Variants in SNX19 observed in about 807,000 individuals in gnomAD.
SNX19 encodes the protein sorting nexin-19.
In SNX19, 60 loss-of-function variants were observed where a neutral mutation model predicts 85.2. The observed-to-expected ratio is 0.70, with a 90% CI of 0.57 to 0.87. The LOEUF (loss-of-function observed/expected upper bound fraction) is 0.87. SNX19 is among the 40% of genes least tolerant of loss of function. The pLI is 0.00. For missense variants in SNX19, 1,201 were observed against 1,217.8 expected, an observed-to-expected ratio of 0.99 and a Z score of 0.21; for synonymous variants, 520 against 470.0, an observed-to-expected ratio of 1.11 and a Z score of -1.38.
intron 8 of SNX19, among the ~76,000 whole-genome samples, chr11:130,897,857 G>A (rs3794132): frequency 6.6e-6 from 1 of 152,070 alleles, no homozygotes; most frequent in Non-Finnish European, 1.5e-5. Flanking sequence ...TTGGCTCAGA[G>A]TGCTACCCGC....
intron 8 of SNX19, among the ~76,000 whole-genome samples, chr11:130,886,292 A>G (rs1279674398): frequency 6.6e-6 from 1 of 152,124 alleles, no homozygotes; most frequent in Non-Finnish European, 1.5e-5. Flanking sequence ...ATGTACATAT[A>G]TATGTATATA....
At position 130,915,431 on chromosome 11, in the gene SNX19, A is replaced by G. The variant is rs750169145; in HGVS notation, c.509T>C (p.Ile170Thr). Residue 170 changes from isoleucine to threonine, a missense_variant, in exon 1 of 11, where the codon ATT becomes ACT. By Grantham distance (89) the Ile-to-Thr change is moderately conservative. This residue lies in a region of SNX19 where 791 missense variants were observed against 750.9 expected (regional missense o/e 1.05). Transcript: ENST00000265909. ...CCCTGCAGTGGCCTCCTTTGCCTGA[A>G]TGTAGCTCTGCAGGTGACAACCGCA... ...TLCGCHLQSY[I>T]QAKEATAGKN... The G allele has an allele frequency of 4.2e-5, 68 of 1,613,870 alleles. No homozygotes were observed. In the Admixed American group the frequency reaches 1.1e-3, roughly 26 times the overall value.
rs767094695 is a variant in SNX19, at chr11:130,915,245, C to T, written c.695G>A (p.Arg232His). Residue 232 changes from arginine to histidine, a missense_variant, in exon 1 of 11, where the codon CGT (arginine) becomes CAT (histidine). Coordinates refer to ENST00000265909, the MANE Select transcript of SNX19 (RefSeq NM_014758.3). Reference protein sequence around the residue: ...GLVPKPHLETRTGRHVVVELI... With the variant: ...GLVPKPHLETHTGRHVVVELI... The stretch of plus-strand genomic sequence containing the variant: ...TTCGACCACTACATGGCGTCCGGTA[C>T]GAGTCTCCAAGTGGGGCTTGGGCAC... The T allele has an allele frequency of 6.2e-7, 1 of 1,614,220 alleles. No individual in the cohort carries two copies. Among genetic ancestry groups the T allele is most frequent in the African/African-American group, 1.3e-5 (1 of 75,056 alleles).
intron 8 of SNX19, among the ~76,000 whole-genome samples, chr11:130,885,713 C>G (rs1447750894): frequency 2.0e-5 from 3 of 152,172 alleles, no homozygotes; most frequent in African/African-American, 2.4e-5. Context: ...TTCCTTCCAG[C>G]CTATTTATCT....
chr11:130,881,007 G>C lies in SNX19; in HGVS notation c.2574-201C>G, dbSNP rs558963996. Reference sequence around the variant, plus strand: ...AAATGCCCTTATAAAAGAAACCTGAGAGAGACTTCTCACCCCTTTTGCCAT... The same window carrying C: ...AAATGCCCTTATAAAAGAAACCTGACAGAGACTTCTCACCCCTTTTGCCAT... On this transcript the variant is annotated intron_variant, in intron 8 of 10. Transcript: ENST00000265909. 1.0e-4 allele frequency: 40 copies of C among 394,792 alleles called. No homozygotes were observed. In the South Asian group the frequency reaches 3.8e-3, roughly 38 times the overall value. 24.5% of individuals were successfully genotyped at this position (394,792 alleles called of 1,614,324 possible).
chr11:130,875,607 T>G lies in SNX19; in HGVS notation c.*2815A>C, dbSNP rs1235194666. 2 of 151,596 alleles carry G rather than the reference T, an allele frequency of 1.3e-5. No homozygotes were observed. Among genetic ancestry groups the G allele is most frequent in the Non-Finnish European group, 1.5e-5 (1 of 67,990 alleles). The allele number at this position is 151,596 out of a possible 1,614,324, so 9.4% of individuals were successfully genotyped here. On this transcript the variant is annotated 3_prime_UTR_variant, in exon 11 of 11. Coordinates refer to ENST00000265909, the MANE Select transcript of SNX19 (RefSeq NM_014758.3). ...GAGTAGCTTGTATTGATTTTAAAAT[T>G]TATACATGCTCTCACTCATAGGTGG...
Position 130,870,849 on chromosome 11 carries a change from T to G in SNX19, c.*7573A>C, listed in dbSNP as rs529366556. 1.3e-5 allele frequency among the ~76,000 whole-genome samples: 2 copies of G among 151,710 alleles called. No homozygotes were observed. Among genetic ancestry groups the G allele is most frequent in the Non-Finnish European group, 2.9e-5 (2 of 67,972 alleles). On this transcript the variant is annotated 3_prime_UTR_variant, in exon 11 of 11. Coordinates refer to ENST00000265909, the MANE Select transcript of SNX19 (RefSeq NM_014758.3). The stretch of plus-strand genomic sequence containing the variant: ...TTGGGGGGGGGGCATAAGGACATAA[T>G]AGGACTAAAAAAGATAAAAGATATG...
chr11:130,887,596 A>G (rs1430511280), intron 8 of SNX19, among the ~76,000 whole-genome samples: 2 of 152,198 alleles, frequency 1.3e-5, no homozygotes, highest in Non-Finnish European at 2.9e-5. Flanking sequence ...AAATTCATTG[A>G]AGATGCTTCT....
intron 8 of SNX19, among the ~76,000 whole-genome samples, chr11:130,893,601 A>T (rs182813488): frequency 1.6e-3 from 243 of 152,248 alleles, no homozygotes; most frequent in Non-Finnish European, 2.6e-3. Context: ...TCCCGTTATG[A>T]AGGACGTAGG....
At position 130,895,398 on chromosome 11, in the gene SNX19, C is replaced by T. The variant is rs546400975; in HGVS notation, c.2573+7857G>A. Among the ~76,000 whole-genome samples, 4 of 152,320 alleles carry T rather than the reference C, an allele frequency of 2.6e-5. No individual in the cohort carries two copies. In the South Asian group the frequency reaches 8.3e-4, roughly 32 times the overall value. ...AGAGGGACTGCCTCCAGTAGAATGA[C>T]GTGTGATCTTCTGTGTTCATTTATT... On this transcript the variant is annotated intron_variant, in intron 8 of 10. Transcript: ENST00000265909.
chr11:130,907,329 G>GACACACAC (rs146030730), intron 5 of SNX19, among the ~76,000 whole-genome samples: 5 of 152,038 alleles, frequency 3.3e-5, no homozygotes, highest in South Asian at 2.1e-4. Context: ...CAGAGACAGA[G>GACACACAC]ACACACACAC....
rs1282535555 is a variant in SNX19, at chr11:130,870,819, T to C, written c.*7603A>G. On this transcript the variant is annotated 3_prime_UTR_variant, in exon 11 of 11. Coordinates refer to ENST00000265909, the MANE Select transcript of SNX19 (RefSeq NM_014758.3). The stretch of plus-strand genomic sequence containing the variant: ...ACCTATCATGCACTAGGTATATACA[T>C]ATAGTTGGGGGGGGGGCATAAGGAC... Among the ~76,000 whole-genome samples, 1 of 96,762 alleles carries C rather than the reference T, an allele frequency of 1.0e-5. No individual in the cohort carries two copies. Among genetic ancestry groups the C allele is most frequent in the East Asian group, 3.1e-4 (1 of 3,268 alleles). The allele number at this position is 96,762 out of a possible 152,430, so 63.5% of individuals were successfully genotyped here. A position where few individuals can be genotyped will look rare whatever the true frequency, so the allele number is the denominator to read the frequency against.
intron 2 of SNX19, 37 bp from the exon 3 acceptor site, chr11:130,910,407 T>A: frequency 7.1e-7 from 1 of 1,406,138 alleles, no homozygotes; most frequent in Non-Finnish European, 9.9e-7. Flanking sequence ...ATTCACTCAT[T>A]TAACATTCAC....
In SNX19 at chr11:130,870,460, C is replaced by T. The variant is rs573384435; in HGVS notation, c.*7962G>A. ...TTGAGTAATGGATTTCTTTACCTCA[C>T]CTAAACAGATCCACTGAAAAGGAAA... On this transcript the variant is annotated 3_prime_UTR_variant, in exon 11 of 11. Coordinates refer to ENST00000265909, the MANE Select transcript of SNX19 (RefSeq NM_014758.3). Among the ~76,000 whole-genome samples, 247 of 152,354 alleles carry T rather than the reference C, an allele frequency of 1.6e-3. 1 individual carries two copies. The highest frequency in any genetic ancestry group is 2.7e-3 in the Non-Finnish European group (181 of 68,036).
intron 8 of SNX19, among the ~76,000 whole-genome samples, chr11:130,900,227 T>C (rs926858158): frequency 1.3e-5 from 2 of 152,216 alleles, no homozygotes; most frequent in Non-Finnish European, 2.9e-5. Context: ...GAGGATGGCT[T>C]GAGCCCAGGA....
Position 130,903,362 on chromosome 11 carries a change from G to A in SNX19, c.2466C>T (p.Asp822=). The A allele has an allele frequency of 6.2e-7, 1 of 1,612,728 alleles. No homozygotes were observed. The highest frequency in any genetic ancestry group is 8.5e-7 in the Non-Finnish European group (1 of 1,179,818). The change falls in exon 8 of 11, where the codon GAC becomes GAT. Residue 822 remains aspartate, a synonymous_variant. Transcript: ENST00000265909. ...SDPGTETELA[D]TALDLLLLLL... is the part of the protein sequence containing the mutation. ...GCAAGAGGAGCAGATCCAGGGCTGTGTCAGCTAACTCTGTCTCTGTTCCTG... is the reference window on the plus strand; with the variant it reads ...GCAAGAGGAGCAGATCCAGGGCTGTATCAGCTAACTCTGTCTCTGTTCCTG...
intron 7 of SNX19, among the ~76,000 whole-genome samples, chr11:130,904,004 C>A (rs1025159544): frequency 2.0e-5 from 3 of 152,178 alleles, no homozygotes; most frequent in African/African-American, 7.2e-5. Flanking sequence ...CAGGAGGCTT[C>A]AGTCTGATTT....
intron 9 of SNX19, among the ~76,000 whole-genome samples, chr11:130,880,271 T>C (rs1477959226): frequency 6.6e-6 from 1 of 152,194 alleles, no homozygotes; most frequent in Non-Finnish European, 1.5e-5. Context: ...TCTGAAGTCT[T>C]CATCTCCTGG....
chr11:130,878,473 G>A lies in SNX19; in HGVS notation c.2928C>T (p.Thr976=), dbSNP rs777926022. 2 of 1,613,970 alleles carry A rather than the reference G, an allele frequency of 1.2e-6. No individual in the cohort carries two copies. The highest frequency in any genetic ancestry group is 2.2e-5 in the South Asian group (2 of 91,070). The change falls in exon 11 of 11, where the codon ACC becomes ACT. Residue 976 remains threonine (T), a synonymous_variant. Transcript: ENST00000265909. ...AGTTGCCTGGGGTATCTGAGGCAGA[G>A]GTGGTAGCAGCAGACTCCTCAACAG... ...SASVEESAAT[T]SASDTPGNSK...
Sources: allele counts gnomAD v4.1 joint callset (sites outside exome capture counted in the v4.1 genomes callset), GRCh38; gene constraint gnomAD v4.1.1; regional missense constraint gnomAD v4.1.1; transcripts MANE v1.5; gene names NCBI Gene and HGNC (gene_info 2026-07-23, HGNC 2026-07-21).